ELAVL2: variants seen among roughly 807,000 people sequenced by gnomAD.
ELAVL2 encodes ELAV-like protein 2.
In ELAVL2, 4 loss-of-function variants were observed where a neutral mutation model predicts 34.6. The ratio of observed to expected loss-of-function variants is 0.12; its 90% CI spans 0.06 to 0.26. The LOEUF (loss-of-function observed/expected upper bound fraction) is 0.26, where lower values mean the gene tolerates loss of function less well. Among genes scored for constraint, ELAVL2 ranks in the 10% least tolerant of loss-of-function variants. The probability of loss-of-function intolerance (pLI) is 1.00; values close to 1 mark genes in which losing one functional copy is unlikely to be tolerated. For synonymous variants in ELAVL2, 193 were observed against 154.8 expected, an observed-to-expected ratio of 1.25 and a Z score of -1.83; for missense variants, 432 against 442.8, an observed-to-expected ratio of 0.98 and a Z score of 0.22.
chr9:23,761,932 C>T, intron 2 of ELAVL2, 74 bp downstream of exon 2: 1 of 1,464,250 alleles, frequency 6.8e-7, no homozygotes, highest in Non-Finnish European at 9.1e-7. Flanking sequence ...TATTTACAAG[C>T]AGTAATCTTA....
chr9:23,797,848 A>G (rs2061138100), intron 1 of ELAVL2, among the ~76,000 whole-genome samples: 1 of 152,192 alleles, frequency 6.6e-6, no homozygotes, highest in Admixed American at 6.5e-5. Context: ...GAATCTCTTG[A>G]ACCTGGGAAG....
intron 3 of ELAVL2, among the ~76,000 whole-genome samples, chr9:23,714,613 G>A (rs981828501): frequency 6.6e-6 from 1 of 152,134 alleles, no homozygotes; most frequent in African/African-American, 2.4e-5. Context: ...CTCTTTTGTA[G>A]AGACCTGTTG....
At chr9:23,832,574 G>GTGAAT in the ELAVL2 span, among the ~76,000 whole-genome samples, 1 of 152,154 alleles carries the variant, frequency 6.6e-6, no homozygotes, top group Non-Finnish European at 1.5e-5. Flanking sequence ...TGTGTCTTAA[G>GTGAAT]TGAATTGCAA....
chr9:23,845,248 C>A, the ELAVL2 span, among the ~76,000 whole-genome samples: 1 of 151,474 alleles, frequency 6.6e-6, no homozygotes, highest in African/African-American at 2.4e-5. Flanking sequence ...TGTATAATTA[C>A]ATATATTCAT....
chr9:23,850,238 C>CCA, the ELAVL2 span, among the ~76,000 whole-genome samples: 2 of 145,876 alleles, frequency 1.4e-5, no homozygotes, highest in Non-Finnish European at 1.5e-5. Context: ...CACCACCACC[C>CCA]CCCCCGCCCC....
chr9:23,762,284 A>G (rs762204821), intron 1 of ELAVL2, 35 bp from the exon 2 acceptor site: 19 of 1,607,678 alleles, frequency 1.2e-5, no homozygotes, highest in African/African-American at 2.7e-5. Context: ...GTCAGAATTC[A>G]TATTTCACAA....
chr9:23,807,360 A>AT (rs1274110287), intron 1 of ELAVL2, among the ~76,000 whole-genome samples: 1 of 152,074 alleles, frequency 6.6e-6, no homozygotes, highest in African/African-American at 2.4e-5. Context: ...GTCTTTTCCA[A>AT]TTGCTTAGAG....
At chr9:23,697,605 A>G (rs2035708127) in intron 5 of ELAVL2, among the ~76,000 whole-genome samples, 1 of 152,190 alleles carries the variant, frequency 6.6e-6, no homozygotes, top group East Asian at 1.9e-4. Flanking sequence ...TTTTCTATCA[A>G]CAGGACCAAA....
chr9:23,746,782 C>A (rs538268597), intron 2 of ELAVL2, among the ~76,000 whole-genome samples: 1 of 145,460 alleles, frequency 6.9e-6, no homozygotes, highest in Non-Finnish European at 1.5e-5. Context: ...CTTGGATCCA[C>A]GAACATCCTT....
chr9:23,713,566 A>AG (rs1162391476), intron 3 of ELAVL2, among the ~76,000 whole-genome samples: 10 of 152,164 alleles, frequency 6.6e-5, no homozygotes, highest in Non-Finnish European at 1.3e-4. Flanking sequence ...TCCTACCGGT[A>AG]GCTCTCTGCA....
intron 2 of ELAVL2, among the ~76,000 whole-genome samples, chr9:23,759,943 A>G (rs905443754): frequency 1.3e-5 from 2 of 151,442 alleles, no homozygotes; most frequent in African/African-American, 2.4e-5. Context: ...CAAGCCACTG[A>G]AAAGACAACA....
intron 3 of ELAVL2, among the ~76,000 whole-genome samples, chr9:23,726,512 C>T (rs1587765863): frequency 6.6e-6 from 1 of 151,826 alleles, no homozygotes; most frequent in African/African-American, 2.4e-5. Flanking sequence ...CATTCTATTC[C>T]CTGAGATAAC....
the ELAVL2 span, among the ~76,000 whole-genome samples, chr9:23,840,249 G>A: frequency 9.2e-5 from 14 of 152,160 alleles, no homozygotes; most frequent in Admixed American, 6.5e-4. Flanking sequence ...TTCATTAGAC[G>A]ACAGAACTGG....
chr9:23,742,213 G>GC lies in ELAVL2; in HGVS notation c.230-11089dup, dbSNP rs532486011. ...ACCCAAGATGACTACATCAGGCAGG[G>GC]CTTACGATTTTCTGAGACCTCCTTT... On this transcript the variant is annotated intron_variant, in intron 2 of 6. Coordinates refer to ENST00000397312, the MANE Select transcript of ELAVL2 (RefSeq NM_004432.5). 3.4e-3 allele frequency among the ~76,000 whole-genome samples: 520 copies of GC among 152,220 alleles called. 6 individuals are homozygous for GC. Among genetic ancestry groups the GC allele is most frequent in the Non-Finnish European group, 9.4e-4 (64 of 68,016 alleles).
intron 3 of ELAVL2, among the ~76,000 whole-genome samples, chr9:23,706,863 A>C (rs2039492347): frequency 6.6e-6 from 1 of 152,294 alleles, no homozygotes; most frequent in African/African-American, 2.4e-5. Context: ...TTCCAGAAAA[A>C]AATATAAGCC....
rs192170884 is a variant in ELAVL2, at chr9:23,795,475, G to A, written c.-16+30331C>T. 1.4e-3 allele frequency among the ~76,000 whole-genome samples: 212 copies of A among 152,198 alleles called. 1 individual carries two copies. The highest frequency in any genetic ancestry group is 4.8e-3 in the African/African-American group (199 of 41,544). On this transcript the variant is annotated intron_variant, in intron 1 of 6. Transcript: ENST00000397312. ...GGAGAATCGCTTGAACCTGGGAGGC[G>A]GAGGCTGCAGTGAGCCGAGATCACG...
intron 1 of ELAVL2, among the ~76,000 whole-genome samples, chr9:23,771,493 C>A (rs2057302491): frequency 1.3e-5 from 2 of 151,836 alleles, no homozygotes; most frequent in African/African-American, 2.4e-5. Context: ...AATATTAAAT[C>A]CAGAGTTATT....
In ELAVL2 at chr9:23,731,093, T is replaced by A. The variant is rs1465843553; in HGVS notation, c.262A>T (p.Ile88Phe). The A allele has an allele frequency of 3.1e-6, 5 of 1,613,188 alleles. No homozygotes were observed. Among genetic ancestry groups the A allele is most frequent in the Non-Finnish European group, 4.2e-6 (5 of 1,179,398 alleles). The part of the protein sequence containing the change: ...QSLGYGFVNY[I>F]DPKDAEKAIN... ...GCTTTCTCTGCATCCTTGGGGTCAA[T>A]GTAGTTCACAAAGCCATATCCCAAG... Residue 88 changes from isoleucine to phenylalanine, a missense_variant, in exon 3 of 7, where the codon ATT becomes TTT. By Grantham distance (21) the Ile-to-Phe change is conservative. Coordinates refer to ENST00000397312, the MANE Select transcript of ELAVL2 (RefSeq NM_004432.5).
At chr9:23,816,778 T>C (rs1251502421) in intron 1 of ELAVL2, among the ~76,000 whole-genome samples, 2 of 152,186 alleles carry the variant, frequency 1.3e-5, no homozygotes, top group Non-Finnish European at 2.9e-5. Context: ...GAGTGAAAAA[T>C]GGATACTCTG....
Sources: allele counts gnomAD v4.1 joint callset (sites outside exome capture counted in the v4.1 genomes callset), GRCh38; gene constraint gnomAD v4.1.1; transcripts MANE v1.5; gene names NCBI Gene and HGNC (gene_info 2026-07-23, HGNC 2026-07-21).